MATK: variants seen among roughly 807,000 people sequenced by gnomAD.
The protein encoded by MATK is megakaryocyte-associated tyrosine-protein kinase.
Under a neutral mutation model 59.8 loss-of-function variants are expected in MATK, and 41 were observed. That is an observed-to-expected ratio of 0.69 (90% CI 0.53 to 0.89). The LOEUF (loss-of-function observed/expected upper bound fraction) is 0.89, where lower values mean the gene tolerates loss of function less well. Ranked by LOEUF, MATK falls within the 40% of genes least tolerant of loss-of-function variation. MATK has a pLI of 0.00. For synonymous variants in MATK, 308 were observed against 306.1 expected (o/e 1.01, Z -0.06); for missense variants, 593 against 719.6 (o/e 0.82, Z 2.01).
upstream of MATK, chr19:3,789,229 A>G: frequency 1.3e-6 from 1 of 760,972 alleles, no homozygotes; most frequent in Non-Finnish European, 2.5e-6. Flanking sequence ...TGTTAAGTCA[A>G]AATATCTGCA....
At chr19:3,792,488 T>A (rs184422586) in intron 1 of MATK, among the ~76,000 whole-genome samples, 8 of 151,462 alleles carry the variant, frequency 5.3e-5, no homozygotes, top group African/African-American at 1.7e-4. Context: ...TTCAGCCTTT[T>A]TCAGCACATG....
chr19:3,780,489 G>A (rs927140742), intron 8 of MATK, among the ~76,000 whole-genome samples: 63 of 151,558 alleles, frequency 4.2e-4, no homozygotes, highest in African/African-American at 9.4e-4. Context: ...GTGCAGTGGC[G>A]CCATCTCTGC....
chr19:3,785,198 C>T lies in MATK; in HGVS notation c.-63G>A, dbSNP rs553372837. On this transcript the variant is annotated 5_prime_UTR_variant, in exon 2 of 14. Coordinates refer to ENST00000310132, the MANE Select transcript of MATK (RefSeq NM_139355.3). ...CTGAGCAAGTGGTCACAGTCGGGGA[C>T]GCTGGGAATGGCCTGCCACAGGCCA... 168 of 1,610,192 alleles carry T rather than the reference C, an allele frequency of 1.0e-4. No individual in the cohort carries two copies. In the East Asian group the frequency reaches 2.5e-3, roughly 24 times the overall value.
At position 3,783,937 on chromosome 19, in the gene MATK, G is replaced by A. The variant is rs57068027; in HGVS notation, c.459C>T (p.Pro153=). The A allele has an allele frequency of 6.8e-6, 11 of 1,612,676 alleles. No individual in the cohort carries two copies. The highest frequency in any genetic ancestry group is 3.3e-4 in the Middle Eastern group (2 of 6,060). ...AGCTCACGCACAGGACGTAGTCGCC[G>A]GGGTGGCGCGCGGACTCCCGCACCA... ...LFLVRESARH[P]GDYVLCVSFG... Residue 153 remains proline (P), a synonymous_variant, in exon 6 of 14, where the codon CCC becomes CCT. Coordinates refer to ENST00000310132, the MANE Select transcript of MATK (RefSeq NM_139355.3).
At chr19:3,798,214 A>T (rs2037612429) in intron 1 of MATK, among the ~76,000 whole-genome samples, 1 of 152,112 alleles carries the variant, frequency 6.6e-6, no homozygotes, top group Non-Finnish European at 1.5e-5. Flanking sequence ...TTTTTCTAGA[A>T]CTGTTTTCTT....
chr19:3,786,407 G>GCCGCCGGCCCCTCCCCGCCCCGCCT (rs2037485625), upstream of MATK: 1 of 980,078 alleles, frequency 1.0e-6, no homozygotes, highest in Non-Finnish European at 1.2e-6. The surrounding 1 kb of genome is among the most constrained non-coding windows in gnomAD (Gnocchi z 4.1). Flanking sequence ...CGCCGCCGCC[G>GCCGCCGGCCCCTCCCCGCCCCGCCT]CCGCCGGCCC....
chr19:3,783,508 C>A (rs1267081927), intron 6 of MATK, among the ~76,000 whole-genome samples: 1 of 151,996 alleles, frequency 6.6e-6, no homozygotes, highest in Non-Finnish European at 1.5e-5. Flanking sequence ...GGGATCAGCC[C>A]CCCTATTTCT....
upstream of MATK, among the ~76,000 whole-genome samples, chr19:3,789,721 C>CTTTTTT (rs34795629): frequency 5.8e-5 from 5 of 86,540 alleles, no homozygotes; most frequent in African/African-American, 1.4e-4. Flanking sequence ...GGCAACTTTG[C>CTTTTTT]TTTTTTTTTT....
At chr19:3,795,467 C>T (rs1259335886) in intron 1 of MATK, among the ~76,000 whole-genome samples, 1 of 151,896 alleles carries the variant, frequency 6.6e-6, no homozygotes, top group African/African-American at 2.4e-5. Flanking sequence ...AGATGGGTTT[C>T]ATGTTGGCCA....
At chr19:3,781,539 G>C in intron 8 of MATK, 68 bp downstream of exon 8, 2 of 1,524,276 alleles carry the variant, frequency 1.3e-6, no homozygotes. Context: ...ATTCAGCTCT[G>C]TGACTCCAAA....
upstream of MATK, among the ~76,000 whole-genome samples, chr19:3,786,618 G>A (rs549060042): frequency 3.9e-3 from 589 of 151,152 alleles, 5 homozygotes; most frequent in African/African-American, 0.013. The surrounding 1 kb of genome is among the most constrained non-coding windows in gnomAD (Gnocchi z 4.1). Context: ...GGGAGAGTGA[G>A]CTGCCCGTCC....
At chr19:3,785,778 GC>G in intron 1 of MATK, 1 of 153,418 alleles carries the variant, frequency 6.5e-6, no homozygotes, top group Non-Finnish European at 1.5e-5. Context: ...CCTGTCCCCC[GC>G]CCCCGGCACA....
At position 3,785,211 on chromosome 19, in the gene MATK, C is replaced by T. The variant is rs1384706269; in HGVS notation, c.-76G>A. 10 of 1,607,188 alleles carry T rather than the reference C, an allele frequency of 6.2e-6. No homozygotes were observed. The highest frequency in any genetic ancestry group is 1.1e-5 in the South Asian group (1 of 90,782). On this transcript the variant is annotated 5_prime_UTR_variant, in exon 2 of 14. Transcript: ENST00000310132. Reference sequence around the variant, plus strand: ...CACAGTCGGGGACGCTGGGAATGGCCTGCCACAGGCCAGTCGGCTGGCACA... The same window carrying T: ...CACAGTCGGGGACGCTGGGAATGGCTTGCCACAGGCCAGTCGGCTGGCACA...
intron 9 of MATK, 27 bp downstream of exon 9, chr19:3,779,671 G>A (rs572274398): frequency 9.3e-6 from 15 of 1,609,376 alleles, no homozygotes; most frequent in African/African-American, 1.4e-5. Context: ...CCCGTCCCAC[G>A]GTCCCCAGCC....
intron 7 of MATK, among the ~76,000 whole-genome samples, 158 bp from the exon 8 acceptor site, chr19:3,781,830 T>C (rs2037405976): frequency 6.6e-6 from 1 of 152,118 alleles, no homozygotes; most frequent in African/African-American, 2.4e-5. Flanking sequence ...CTAGGACATA[T>C]CAGAGACACC....
At chr19:3,784,066 C>T in intron 5 of MATK, 33 bp from the exon 6 acceptor site, 1 of 1,592,606 alleles carries the variant, frequency 6.3e-7, no homozygotes, top group South Asian at 1.1e-5. Flanking sequence ...TCAGACTGGG[C>T]TGTGGAGGGG....
intron 1 of MATK, among the ~76,000 whole-genome samples, chr19:3,799,463 GA>G (rs961774550): frequency 6.6e-6 from 1 of 152,226 alleles, no homozygotes; most frequent in Non-Finnish European, 1.5e-5. Context: ...CTCAATGGGA[GA>G]AATAGGGAAA....
intron 8 of MATK, 140 bp from the exon 9 acceptor site, chr19:3,779,937 C>T (rs2037376187): frequency 3.1e-6 from 2 of 649,990 alleles, no homozygotes; most frequent in Non-Finnish European, 5.6e-6. Flanking sequence ...GAAACACAGA[C>T]CCCATGCTCC....
intron 4 of MATK, 48 bp downstream of exon 4, chr19:3,784,290 G>T: frequency 6.3e-7 from 1 of 1,593,550 alleles, no homozygotes; most frequent in African/African-American, 1.3e-5. Context: ...GGGTGGTCCT[G>T]GTGGAGCCCC....
Sources: allele counts gnomAD v4.1 joint callset (sites outside exome capture counted in the v4.1 genomes callset), GRCh38; gene constraint gnomAD v4.1.1; non-coding constraint Gnocchi (gnomAD v3.1); transcripts MANE v1.5; gene names NCBI Gene and HGNC (gene_info 2026-07-23, HGNC 2026-07-21).